GPC5: variants seen among roughly 807,000 people sequenced by gnomAD.
The protein encoded by GPC5 is glypican 5.
In GPC5, 47 loss-of-function variants were observed where a neutral mutation model predicts 53.9. The ratio of observed to expected loss-of-function variants is 0.87; its 90% CI spans 0.69 to 1.11. GPC5 has a LOEUF of 1.11. Ranked by LOEUF, GPC5 falls within the 50% of genes most tolerant of loss-of-function variation. The probability of loss-of-function intolerance (pLI) is 0.00; values close to 1 mark genes in which losing one functional copy is unlikely to be tolerated. For synonymous variants in GPC5, 286 were observed against 263.3 expected (o/e 1.09, Z -0.84); for missense variants, 748 against 713.1 (o/e 1.05, Z -0.56).
At chr13:91,959,785 A>T (rs1275606341) in intron 6 of GPC5, among the ~76,000 whole-genome samples, 1 of 152,086 alleles carries the variant, frequency 6.6e-6, no homozygotes, top group Admixed American at 6.6e-5. Flanking sequence ...TTTCCCAGGG[A>T]TGCAAGGATG....
At chr13:92,859,197 TATGATGGTATCACTGCACTCCAGC>T (rs1346178355) in intron 7 of GPC5, among the ~76,000 whole-genome samples, 1 of 152,196 alleles carries the variant, frequency 6.6e-6, no homozygotes, top group Non-Finnish European at 1.5e-5. Context: ...TGCAGTGAGC[TATGATGGTATCACTGCACTCCAGC>T]ATGGGCAACA....
At chr13:92,437,958 T>G (rs1877383611) in intron 7 of GPC5, among the ~76,000 whole-genome samples, 1 of 152,132 alleles carries the variant, frequency 6.6e-6, no homozygotes, top group African/African-American at 2.4e-5. Flanking sequence ...AATCTCCCTT[T>G]TGATTAACAT....
intron 2 of GPC5, among the ~76,000 whole-genome samples, chr13:91,626,877 T>C (rs2034017697): frequency 6.6e-6 from 1 of 151,986 alleles, no homozygotes; most frequent in Admixed American, 6.6e-5. Flanking sequence ...TGTCCAGGTG[T>C]TCTCATTGTT....
intron 7 of GPC5, among the ~76,000 whole-genome samples, chr13:92,551,028 A>G (rs771014354): frequency 6.6e-6 from 1 of 151,948 alleles, no homozygotes; most frequent in Non-Finnish European, 1.5e-5. Flanking sequence ...TGTTGAGCAC[A>G]GAAGATGCAG....
chr13:92,772,380 C>T (rs776274492), intron 7 of GPC5, among the ~76,000 whole-genome samples: 9 of 152,168 alleles, frequency 5.9e-5, no homozygotes, highest in Non-Finnish European at 1.0e-4. Flanking sequence ...CCCAGTTGGC[C>T]TCCCTGCAGC....
chr13:92,696,344 C>T (rs186590718), intron 7 of GPC5, among the ~76,000 whole-genome samples: 28 of 152,328 alleles, frequency 1.8e-4, no homozygotes, highest in Non-Finnish European at 3.7e-4. Context: ...TTCTCCACAT[C>T]CTCTCCAGCA....
intron 4 of GPC5, among the ~76,000 whole-genome samples, chr13:91,744,558 TTTGTGGGTGGAGGTAAA>T (rs1475502727): frequency 1.3e-5 from 2 of 152,072 alleles, no homozygotes; most frequent in Non-Finnish European, 2.9e-5. Context: ...GTCAGATAAA[TTTGTGGGTGGAGGTAAA>T]CAGGAATATC....
intron 6 of GPC5, among the ~76,000 whole-genome samples, chr13:92,134,917 G>A (rs2041771527): frequency 6.6e-6 from 1 of 151,912 alleles, no homozygotes; most frequent in African/African-American, 2.4e-5. Flanking sequence ...AAAAAAATTG[G>A]GGTAGTATAA....
At chr13:91,821,886 G>T (rs2038501268) in intron 5 of GPC5, among the ~76,000 whole-genome samples, 1 of 152,046 alleles carries the variant, frequency 6.6e-6, no homozygotes, top group African/African-American at 2.4e-5. Flanking sequence ...TTTTAAATGT[G>T]CAAAAAAATT....
At chr13:91,805,395 TA>T (rs2138788143) in intron 5 of GPC5, among the ~76,000 whole-genome samples, 1 of 152,340 alleles carries the variant, frequency 6.6e-6, no homozygotes, top group Admixed American at 6.5e-5. Context: ...GAAAATATAA[TA>T]TTTTATCTTC....
intron 3 of GPC5, among the ~76,000 whole-genome samples, chr13:91,723,057 C>T (rs370975532): frequency 5.3e-5 from 8 of 151,972 alleles, no homozygotes; most frequent in East Asian, 1.9e-4. Context: ...ATATGTTTTC[C>T]GTACCTGGCT....
Position 91,654,062 on chromosome 13 carries a change from C to T in GPC5, c.326-39125C>T, listed in dbSNP as rs559868924. Among the ~76,000 whole-genome samples, 19 of 152,258 alleles carry T rather than the reference C, an allele frequency of 1.2e-4. No individual in the cohort carries two copies. The South Asian group carries it at 3.3e-3, about 27-fold the overall frequency. ...GCATCTCTAATGTGACTTAAGAAGG[C>T]ATTACCAGCTACTGAGATTTTAGAG... On this transcript the variant is annotated intron_variant, in intron 2 of 7. Coordinates refer to ENST00000377067, the MANE Select transcript of GPC5 (RefSeq NM_004466.6).
At chr13:91,915,228 G>T (rs372438534) in intron 6 of GPC5, among the ~76,000 whole-genome samples, 2 of 152,140 alleles carry the variant, frequency 1.3e-5, no homozygotes, top group African/African-American at 4.8e-5. Context: ...TTGGATGCAC[G>T]CTCAATAACT....
chr13:91,638,995 A>C (rs2034353516), intron 2 of GPC5, among the ~76,000 whole-genome samples: 2 of 152,252 alleles, frequency 1.3e-5, no homozygotes, highest in Admixed American at 6.5e-5. Context: ...ATGTGAACAA[A>C]GTATGAATAG....
At chr13:92,638,795 G>A (rs1885495336) in intron 7 of GPC5, among the ~76,000 whole-genome samples, 1 of 152,188 alleles carries the variant, frequency 6.6e-6, no homozygotes, top group Non-Finnish European at 1.5e-5. Flanking sequence ...TCAGGGGAAG[G>A]AGGAGTCAGC....
At chr13:92,501,385 A>T (rs1410889969) in intron 7 of GPC5, among the ~76,000 whole-genome samples, 3 of 152,166 alleles carry the variant, frequency 2.0e-5, no homozygotes, top group African/African-American at 7.2e-5. Flanking sequence ...GATCAATAAG[A>T]ATTATGCAAG....
intron 7 of GPC5, among the ~76,000 whole-genome samples, chr13:92,323,425 GA>G (rs1157331660): frequency 1.5e-3 from 221 of 150,788 alleles, no homozygotes; most frequent in Non-Finnish European, 2.9e-3. Context: ...AAAATATGGG[GA>G]AAAAATACCT....
At chr13:92,118,354 AT>A (rs1329153144) in intron 6 of GPC5, among the ~76,000 whole-genome samples, 1 of 151,990 alleles carries the variant, frequency 6.6e-6, no homozygotes, top group Non-Finnish European at 1.5e-5. Context: ...ATTTCTTAAT[AT>A]TTTTATATAT....
intron 7 of GPC5, among the ~76,000 whole-genome samples, chr13:92,483,901 G>A (rs1418668542): frequency 1.3e-5 from 2 of 152,054 alleles, no homozygotes; most frequent in East Asian, 1.9e-4. Flanking sequence ...GTCAAGGTGG[G>A]AAAAGGCCTC....
Sources: gnomAD v4.1 joint callset for allele counts (sites outside exome capture counted in the v4.1 genomes callset) on GRCh38, gnomAD v4.1.1 for gene constraint, MANE v1.5 for transcripts, NCBI Gene and HGNC (gene_info 2026-07-23, HGNC 2026-07-21) for gene names.